Variants in PCDH15 observed in about 807,000 individuals in gnomAD.
The protein encoded by PCDH15 is protocadherin related 15.
Under a neutral mutation model 178.5 loss-of-function variants are expected in PCDH15, and 129 were observed. That is an observed-to-expected ratio of 0.72 (90% CI 0.63 to 0.84). The LOEUF (loss-of-function observed/expected upper bound fraction) is 0.84, where lower values mean the gene tolerates loss of function less well. PCDH15 is among the 40% of genes least tolerant of loss of function. The probability of loss-of-function intolerance (pLI) is 0.00; values close to 1 mark genes in which losing one functional copy is unlikely to be tolerated. For synonymous variants in PCDH15, 800 were observed against 732.0 expected, an observed-to-expected ratio of 1.09 and a Z score of -1.50; for missense variants, 2,230 against 2,099.9, an observed-to-expected ratio of 1.06 and a Z score of -1.21.
intron 2 of PCDH15, among the ~76,000 whole-genome samples, chr10:55,046,645 G>A (rs576201137): frequency 6.6e-6 from 1 of 152,098 alleles, no homozygotes; most frequent in Non-Finnish European, 1.5e-5. Context: ...ATAATAAGTA[G>A]CTCCCACAGC....
chr10:55,289,336 AATC>A (rs1842952036), intron 1 of PCDH15, among the ~76,000 whole-genome samples: 1 of 151,936 alleles, frequency 6.6e-6, no homozygotes, highest in East Asian at 1.9e-4. Context: ...TGTTTAATAA[AATC>A]ATCTTGAAAC....
At chr10:55,500,629 G>A (rs565789680) in intron 2 of PCDH15, among the ~76,000 whole-genome samples, 1 of 151,714 alleles carries the variant, frequency 6.6e-6, no homozygotes, top group East Asian at 2.0e-4. Context: ...CTGGTCTATT[G>A]ATCTCACATA....
At chr10:55,263,563 A>C (rs1341512689) in intron 1 of PCDH15, among the ~76,000 whole-genome samples, 3 of 152,004 alleles carry the variant, frequency 2.0e-5, no homozygotes, top group Admixed American at 1.3e-4. Flanking sequence ...TGGTAGCCAC[A>C]ACCCCAAAGG....
At chr10:55,369,989 T>C (rs1029559545) in intron 2 of PCDH15, among the ~76,000 whole-genome samples, 14 of 151,610 alleles carry the variant, frequency 9.2e-5, no homozygotes, top group Admixed American at 7.9e-4. Flanking sequence ...CATCAAATTA[T>C]ATAACCTAAA....
At chr10:54,276,589 A>G (rs2058362386) in intron 8 of PCDH15, among the ~76,000 whole-genome samples, 1 of 151,644 alleles carries the variant, frequency 6.6e-6, no homozygotes, top group South Asian at 2.1e-4. Flanking sequence ...TGACCCAGAA[A>G]TTCCACTATT....
At chr10:54,600,207 C>T in intron 2 of PCDH15, 2 of 614,122 alleles carry the variant, frequency 3.3e-6, no homozygotes, top group South Asian at 3.3e-5. Flanking sequence ...TAAAGGTGCA[C>T]TTGGAGAAAG....
intron 18 of PCDH15, among the ~76,000 whole-genome samples, chr10:54,026,227 C>T (rs1004700026): frequency 6.6e-6 from 1 of 151,998 alleles, no homozygotes; most frequent in African/African-American, 2.4e-5. Context: ...TGCCCCCAGG[C>T]CTGGCTAATT....
chr10:54,880,350 A>C (rs1954239991), intron 3 of PCDH15, among the ~76,000 whole-genome samples: 1 of 152,086 alleles, frequency 6.6e-6, no homozygotes, highest in Admixed American at 6.6e-5. Flanking sequence ...GTTTTTAAGC[A>C]ATTTTGATGC....
chr10:55,281,275 T>A (rs1025353367), intron 1 of PCDH15, among the ~76,000 whole-genome samples: 1 of 152,166 alleles, frequency 6.6e-6, no homozygotes, highest in Non-Finnish European at 1.5e-5. Flanking sequence ...GTCTTCATTT[T>A]CTTATTTCTC....
chr10:53,924,956 C>T (rs1189512532), intron 25 of PCDH15, among the ~76,000 whole-genome samples: 2 of 152,086 alleles, frequency 1.3e-5, no homozygotes, highest in South Asian at 2.1e-4. Flanking sequence ...GGATTGTAAA[C>T]GCACCAATCA....
intron 26 of PCDH15, among the ~76,000 whole-genome samples, chr10:53,900,632 T>C (rs764164925): frequency 1.3e-5 from 2 of 152,180 alleles, no homozygotes; most frequent in African/African-American, 2.4e-5. Flanking sequence ...ACTTTCCCTC[T>C]GAGTATTACC....
chr10:54,513,695 C>T (rs2081935621), intron 3 of PCDH15, among the ~76,000 whole-genome samples: 1 of 152,126 alleles, frequency 6.6e-6, no homozygotes, highest in South Asian at 2.1e-4. Context: ...ATACTCCAAA[C>T]TATCCTAAAT....
chr10:55,332,269 T>G (rs1371927615), intron 2 of PCDH15, among the ~76,000 whole-genome samples: 2 of 152,156 alleles, frequency 1.3e-5, no homozygotes, highest in Non-Finnish European at 2.9e-5. Flanking sequence ...AATAACGTTT[T>G]CTAGGTCTCA....
rs1193039733 is a variant in PCDH15 at position 54,896,905 on chromosome 10, T to C, written c.-29+545A>G. Among the ~76,000 whole-genome samples the C allele has an allele frequency of 2.0e-5, 3 of 152,236 alleles. No individual in the cohort carries two copies. The East Asian group carries it at 5.8e-4, about 29-fold the overall frequency. ...CAATTTAATATTAGGTGCTTTTATG[T>C]GACTCCAATAAGCAATTACATATTG... On this transcript the variant is annotated intron_variant, in intron 3 of 5. Transcript: ENST00000458638.
chr10:55,546,959 G>T (rs778907210), intron 2 of PCDH15, among the ~76,000 whole-genome samples: 2 of 151,964 alleles, frequency 1.3e-5, no homozygotes, highest in Admixed American at 6.6e-5. Context: ...TAAGGGAAAA[G>T]AAGGGAAATA....
At chr10:53,941,163 A>AT (rs2086032131) in intron 23 of PCDH15, among the ~76,000 whole-genome samples, 188 bp from the exon 24 acceptor site, 1 of 152,164 alleles carries the variant, frequency 6.6e-6, no homozygotes, top group African/African-American at 2.4e-5. Flanking sequence ...ATGAACCTAC[A>AT]TTGACCCATT....
intron 2 of PCDH15, among the ~76,000 whole-genome samples, chr10:55,064,116 C>T (rs1044206960): frequency 2.0e-5 from 3 of 152,170 alleles, no homozygotes; most frequent in African/African-American, 2.4e-5. Context: ...AAATATTAGT[C>T]ACCATAAATA....
At chr10:55,200,449 C>A (rs1840213801) in intron 1 of PCDH15, among the ~76,000 whole-genome samples, 1 of 152,004 alleles carries the variant, frequency 6.6e-6, no homozygotes, top group Admixed American at 6.6e-5. Context: ...GTAATTTGAA[C>A]TTGTGTTTTA....
chr10:54,612,841 G>C (rs2134271211), intron 2 of PCDH15, among the ~76,000 whole-genome samples: 1 of 151,494 alleles, frequency 6.6e-6, no homozygotes, highest in East Asian at 1.9e-4. Context: ...TATCGTACCT[G>C]GTCAGATTTA....
Sources: allele counts gnomAD v4.1 joint callset (sites outside exome capture counted in the v4.1 genomes callset), GRCh38; gene constraint gnomAD v4.1.1; transcripts MANE v1.5; gene names NCBI Gene and HGNC (gene_info 2026-07-23, HGNC 2026-07-21).